Variants in CASZ1 observed in about 807,000 individuals in gnomAD.
The protein encoded by CASZ1 is zinc finger protein castor homolog 1.
A neutral mutation model predicts 135.2 loss-of-function variants in CASZ1; 28 were observed. The ratio of observed to expected loss-of-function variants is 0.21; its 90% confidence interval spans 0.15 to 0.28. CASZ1 has a LOEUF of 0.28. CASZ1 is among the 10% of genes least tolerant of loss of function. The pLI, the probability that CASZ1 is intolerant of heterozygous loss-of-function variation, is 1.00. For synonymous variants in CASZ1, 1,068 were observed against 1,073.4 expected (o/e 0.99, Z 0.10); for missense variants, 2,161 against 2,453.3 (o/e 0.88, Z 2.52).
chr1:10,659,835 C>T lies in CASZ1; in HGVS notation c.1207G>A (p.Val403Met), dbSNP rs530151570. The change falls in exon 6 of 21, where the codon GTG (valine) becomes ATG (methionine). Residue 403 changes from valine to methionine, a missense_variant. By Grantham distance (21) the Val-to-Met change is conservative. Around this residue, in one of 7 missense-constraint regions of CASZ1, gnomAD observed 590 missense variants for 609.8 expected, o/e 0.97. Coordinates refer to ENST00000377022, the MANE Select transcript of CASZ1 (RefSeq NM_001079843.3). The stretch of plus-strand genomic sequence containing the variant: ...CCGGGGGCGCTGGGGGCACTGGGCA[C>T]GCTGGCGAGGGGTGCGGGAGCCAGG... ...PSLAPAPLAS[V>M]PSAPSAPGPG... 26 of 1,612,376 alleles carry T rather than the reference C, an allele frequency of 1.6e-5. No individual in the cohort carries two copies. Among genetic ancestry groups the T allele is most frequent in the African/African-American group, 4.0e-5 (3 of 74,718 alleles).
intron 2 of CASZ1, among the ~76,000 whole-genome samples, chr1:10,745,564 C>T (rs573011230): frequency 2.3e-4 from 35 of 152,168 alleles, no homozygotes; most frequent in Non-Finnish European, 4.0e-4. Flanking sequence ...CTGGGTTGAA[C>T]GTCCTGCTGT....
intron 4 of CASZ1, among the ~76,000 whole-genome samples, chr1:10,667,687 A>G (rs1643277538): frequency 6.6e-6 from 1 of 152,166 alleles, no homozygotes; most frequent in African/African-American, 2.4e-5. Flanking sequence ...TTTTACCAGG[A>G]GGTAAGCAGC....
At chr1:10,681,319 G>A (rs560886291) in intron 4 of CASZ1, among the ~76,000 whole-genome samples, 225 of 152,186 alleles carry the variant, frequency 1.5e-3, no homozygotes, top group Non-Finnish European at 2.4e-3. Context: ...GAGCATGTAC[G>A]GGGTCAGTCA....
chr1:10,779,614 C>A (rs529529091), intron 1 of CASZ1, among the ~76,000 whole-genome samples: 2 of 152,244 alleles, frequency 1.3e-5, no homozygotes, highest in Non-Finnish European at 2.9e-5. Flanking sequence ...TCCCACCACC[C>A]TAACGCTATA....
intron 1 of CASZ1, among the ~76,000 whole-genome samples, chr1:10,793,666 T>G (rs1349587525): frequency 9.6e-6 from 1 of 103,928 alleles, no homozygotes; most frequent in Non-Finnish European, 1.8e-5. Context: ...TCAACAATAT[T>G]CCCCATAAAC....
At chr1:10,689,340 G>T (rs762884183) in intron 4 of CASZ1, among the ~76,000 whole-genome samples, 4 of 152,216 alleles carry the variant, frequency 2.6e-5, no homozygotes, top group African/African-American at 4.8e-5. Flanking sequence ...CCCTCCAAAG[G>T]TGCCTGCATT....
chr1:10,656,883 G>C lies in CASZ1; in HGVS notation c.1410-147C>G, dbSNP rs1312618121. On this transcript the variant is annotated intron_variant, in intron 7 of 20. Transcript: ENST00000377022. ...TGCAGAGGCCCAGGCAAGTGACTGG[G>C]CCTGGCGGGAATCCCAGGCCCATTG... 6 of 623,740 alleles carry C rather than the reference G, an allele frequency of 9.6e-6. No individual in the cohort carries two copies. The East Asian group carries it at 1.7e-4, about 17-fold the overall frequency. 38.6% of individuals were successfully genotyped at this position (623,740 alleles called of 1,614,324 possible). A position where few individuals can be genotyped will look rare whatever the true frequency, so the allele number is the denominator to read the frequency against.
In CASZ1 at chr1:10,660,510, C is replaced by T. The variant is rs937250159; in HGVS notation, c.532G>A (p.Ala178Thr). 12 of 1,613,494 alleles carry T rather than the reference C, an allele frequency of 7.4e-6. No homozygotes were observed. The highest frequency in any genetic ancestry group is 3.3e-5 in the South Asian group (3 of 91,044). The change falls in exon 6 of 21, where the codon GCG becomes ACG. Residue 178 changes from alanine (A) to threonine (T), a missense_variant. Ala to Thr is a moderately conservative substitution (Grantham distance 58, BLOSUM62 0). Transcript: ENST00000377022. Reference protein sequence around the residue: ...SGEASSLRDYAASTMTEFLGM... With the variant: ...SGEASSLRDYTASTMTEFLGM... ...AGGAACTCGGTCATGGTGGAGGCCGCGTAGTCCCGCAGCGAGGAGGCCTCT... is the reference window on the plus strand; with the variant it reads ...AGGAACTCGGTCATGGTGGAGGCCGTGTAGTCCCGCAGCGAGGAGGCCTCT...
At chr1:10,745,772 C>T (rs923476009) in intron 2 of CASZ1, among the ~76,000 whole-genome samples, 4 of 152,188 alleles carry the variant, frequency 2.6e-5, no homozygotes, top group Non-Finnish European at 4.4e-5. Flanking sequence ...CCATAGGGCA[C>T]CTATGGCCCT....
At chr1:10,748,009 G>C (rs190802948) in intron 2 of CASZ1, among the ~76,000 whole-genome samples, 2 of 152,080 alleles carry the variant, frequency 1.3e-5, no homozygotes, top group Non-Finnish European at 2.9e-5. Context: ...TAGTGGAGAC[G>C]GGGTTTCACC....
chr1:10,685,179 T>C (rs577762237), intron 4 of CASZ1, among the ~76,000 whole-genome samples: 1 of 152,352 alleles, frequency 6.6e-6, no homozygotes, highest in East Asian at 1.9e-4. Context: ...CATCTGGCAA[T>C]GACTTCACCA....
chr1:10,663,795 G>A (rs1327521637), intron 5 of CASZ1, among the ~76,000 whole-genome samples: 1 of 152,204 alleles, frequency 6.6e-6, no homozygotes, highest in African/African-American at 2.4e-5. Context: ...CTGAGGGGGC[G>A]AGGCCTGGAT....
intron 2 of CASZ1, among the ~76,000 whole-genome samples, chr1:10,712,813 G>A (rs1432292406): frequency 6.6e-6 from 1 of 152,310 alleles, no homozygotes; most frequent in Admixed American, 6.5e-5. Flanking sequence ...CAATACACAC[G>A]GCCCAGCCAA....
In CASZ1 at chr1:10,794,965, C is replaced by T. The variant is rs1003167573; in HGVS notation, c.-234+1599G>A. Among the ~76,000 whole-genome samples the T allele has an allele frequency of 6.6e-6, 1 of 151,856 alleles. No individual in the cohort carries two copies. Among genetic ancestry groups the T allele is most frequent in the Admixed American group, 6.5e-5 (1 of 15,268 alleles). The stretch of plus-strand genomic sequence containing the variant: ...GCACCTCGCCACCCCGGCGGCCGCC[C>T]CCTCCCCTTCCAGACCCGGCTGCCC... On this transcript the variant is annotated intron_variant, in intron 1 of 20. Coordinates refer to ENST00000377022, the MANE Select transcript of CASZ1 (RefSeq NM_001079843.3). The surrounding 1 kb of genome is among the most constrained non-coding windows in gnomAD (Gnocchi z 5.6).
In CASZ1 at chr1:10,685,458, G is replaced by A. The variant is rs1262559064; in HGVS notation, c.16+8416C>T. 3.9e-5 allele frequency among the ~76,000 whole-genome samples: 6 copies of A among 152,186 alleles called. 1 individual carries two copies. The highest frequency in any genetic ancestry group is 2.0e-4 in the Admixed American group (3 of 15,286). On this transcript the variant is annotated intron_variant, in intron 4 of 20. Coordinates refer to ENST00000377022, the MANE Select transcript of CASZ1 (RefSeq NM_001079843.3). ...ACTCATCTAGGCCCATTCCCAAGAC[G>A]CATTTCCCAGCCAAAGGGTTCCCCC...
At position 10,694,287 on chromosome 1, in the gene CASZ1, C is replaced by G. The variant is rs762436232; in HGVS notation, c.-23-375G>C. ...CCCCCGGGCCTCCCCCGCCCGCGCCCGGTACTCACCATAGTCGGAGAGTCG... is the reference window on the plus strand; with the variant it reads ...CCCCCGGGCCTCCCCCGCCCGCGCCGGGTACTCACCATAGTCGGAGAGTCG... On this transcript the variant is annotated intron_variant, in intron 3 of 20. Transcript: ENST00000377022. This position sits in a 1 kb window ranked among gnomAD's most constrained non-coding sequence, Gnocchi z 6.6. 2.7e-6 allele frequency: 3 copies of G among 1,110,296 alleles called. No homozygotes were observed. The South Asian group carries it at 6.0e-5, about 22-fold the overall frequency. 68.8% of individuals were successfully genotyped at this position (1,110,296 alleles called of 1,614,324 possible).
At position 10,700,066 on chromosome 1, in the gene CASZ1, G is replaced by C. The variant is rs1639026832; in HGVS notation, c.-24+5426C>G. Reference sequence around the variant, plus strand: ...AGAGAGAGAAAGAGAGACAGAGAGAGAAAGAGAGATAGAGACACACACACA... The same window carrying C: ...AGAGAGAGAAAGAGAGACAGAGAGACAAAGAGAGATAGAGACACACACACA... On this transcript the variant is annotated intron_variant, in intron 3 of 20. Coordinates refer to ENST00000377022, the MANE Select transcript of CASZ1 (RefSeq NM_001079843.3). The surrounding 1 kb of genome is among the most constrained non-coding windows in gnomAD (Gnocchi z 4.2). Among the ~76,000 whole-genome samples the C allele has an allele frequency of 9.9e-6, 1 of 100,520 alleles. No homozygotes were observed. Among genetic ancestry groups the C allele is most frequent in the Non-Finnish European group, 2.0e-5 (1 of 49,560 alleles). The allele number at this position is 100,520 out of a possible 152,430, so 65.9% of individuals were successfully genotyped here.
At chr1:10,713,961 G>C (rs112347963) in intron 2 of CASZ1, among the ~76,000 whole-genome samples, 16 of 152,338 alleles carry the variant, frequency 1.1e-4, no homozygotes, top group African/African-American at 3.8e-4. Flanking sequence ...AGAAAATTCA[G>C]TGGGTCCAGA....
rs1638953405 is a variant in CASZ1, at chr1:10,697,240, C to CG, written c.-23-3329dup. Among the ~76,000 whole-genome samples the CG allele has an allele frequency of 7.0e-6, 1 of 143,526 alleles. No homozygotes were observed. The highest frequency in any genetic ancestry group is 2.3e-4 in the South Asian group (1 of 4,402). The allele number at this position is 143,526 out of a possible 152,430, so 94.2% of individuals were successfully genotyped here. A position where few individuals can be genotyped will look rare whatever the true frequency, so the allele number is the denominator to read the frequency against. On this transcript the variant is annotated intron_variant, in intron 3 of 20. Transcript: ENST00000377022. This position sits in a 1 kb window ranked among gnomAD's most constrained non-coding sequence, Gnocchi z 4.7. ...GTCATGGAGGGGCCCCCAGATTATG[C>CG]GCCCCCCCCTTCTCTCTCTTTCTCT...
Sources: gnomAD v4.1 joint callset for allele counts (sites outside exome capture counted in the v4.1 genomes callset) on GRCh38, gnomAD v4.1.1 for gene constraint, gnomAD v4.1.1 regional missense constraint, Gnocchi (gnomAD v3.1) non-coding constraint, MANE v1.5 for transcripts, NCBI Gene and HGNC (gene_info 2026-07-23, HGNC 2026-07-21) for gene names.